ESRRG: variants seen among roughly 807,000 people sequenced by gnomAD.
ESRRG encodes estrogen related receptor gamma.
A neutral mutation model predicts 44.0 loss-of-function variants in ESRRG; 13 were observed. That is an observed-to-expected ratio of 0.30 (90% confidence interval 0.19 to 0.47). The LOEUF (loss-of-function observed/expected upper bound fraction) is 0.47. ESRRG is among the 20% of genes least tolerant of loss of function. The pLI, the probability that ESRRG is intolerant of heterozygous loss-of-function variation, is 1.00. For missense variants in ESRRG, 395 were observed against 580.6 expected (o/e 0.68, Z 3.29); for synonymous variants, 215 against 214.6 (o/e 1.00, Z -0.02).
At chr1:216,917,275 A>G (rs1417535665) in intron 2 of ESRRG, among the ~76,000 whole-genome samples, 1 of 150,996 alleles carries the variant, frequency 6.6e-6, no homozygotes, top group Non-Finnish European at 1.5e-5. Context: ...GACACAGTCT[A>G]GTGGTTAAAG....
Position 217,129,275 on chromosome 1 carries a change from G to A in ESRRG, c.-230+8392C>T, listed in dbSNP as rs114203532. 2.3e-3 allele frequency among the ~76,000 whole-genome samples: 346 copies of A among 152,188 alleles called. 2 individuals carry two copies. Among genetic ancestry groups the A allele is most frequent in the African/African-American group, 7.8e-3 (323 of 41,552 alleles). On this transcript the variant is annotated intron_variant, in intron 1 of 8. Coordinates refer to the ESRRG transcript ENST00000366940. ...ATTAGTTACTAGGAAAATACAAATC[G>A]AAACAACAGTGAATTACCACTTACA...
intron 3 of ESRRG, among the ~76,000 whole-genome samples, chr1:216,595,106 G>A (rs755657250): frequency 7.2e-5 from 11 of 152,206 alleles, no homozygotes; most frequent in Non-Finnish European, 1.5e-4. Context: ...AAAGAGGACA[G>A]GGACTTTCTT....
At chr1:216,638,465 C>T (rs574203254) in intron 3 of ESRRG, among the ~76,000 whole-genome samples, 1 of 152,260 alleles carries the variant, frequency 6.6e-6, no homozygotes, top group East Asian at 1.9e-4. Flanking sequence ...AGACTGACTT[C>T]CTTAGTTGCA....
intron 2 of ESRRG, among the ~76,000 whole-genome samples, chr1:216,746,401 G>T (rs1036607878): frequency 3.9e-5 from 6 of 152,052 alleles, no homozygotes; most frequent in Non-Finnish European, 8.8e-5. Context: ...CAGGCAAAAT[G>T]CCCTCATTGG....
intron 5 of ESRRG, among the ~76,000 whole-genome samples, chr1:216,539,449 T>A (rs190028707): frequency 6.6e-6 from 1 of 151,974 alleles, no homozygotes; most frequent in Non-Finnish European, 1.5e-5. Flanking sequence ...TCAGTTCCCC[T>A]TCCCCCCTAC....
intron 2 of ESRRG, among the ~76,000 whole-genome samples, chr1:216,811,813 A>C (rs1442193588): frequency 6.6e-6 from 1 of 152,198 alleles, no homozygotes; most frequent in African/African-American, 2.4e-5. Context: ...AGATAAGCTG[A>C]AAAAAGGGTT....
At position 216,900,721 on chromosome 1, in the gene ESRRG, C is replaced by T. The variant is rs370283291; in HGVS notation, c.-14+38861G>A. Among the ~76,000 whole-genome samples, 16 of 152,180 alleles carry T rather than the reference C, an allele frequency of 1.1e-4. No homozygotes were observed. In the East Asian group the frequency reaches 1.4e-3, roughly 13 times the overall value. On this transcript the variant is annotated intron_variant, in intron 2 of 7. Transcript: ENST00000359162. ...TAGATTATATAATAACATTTTAAACCGTGGCAGCTTGATCCCCTTTAGTTA... is the reference window on the plus strand; with the variant it reads ...TAGATTATATAATAACATTTTAAACTGTGGCAGCTTGATCCCCTTTAGTTA...
intron 1 of ESRRG, among the ~76,000 whole-genome samples, chr1:217,127,140 A>C (rs1277566143): frequency 6.6e-6 from 1 of 152,228 alleles, no homozygotes; most frequent in Non-Finnish European, 1.5e-5. Flanking sequence ...TTCTGATTTT[A>C]AACACTTAAT....
At chr1:216,759,303 C>T (rs2092638593) in intron 2 of ESRRG, among the ~76,000 whole-genome samples, 1 of 152,068 alleles carries the variant, frequency 6.6e-6, no homozygotes, top group Admixed American at 6.6e-5. Context: ...CAAATAACTA[C>T]CCAGTTTTGC....
chr1:216,600,197 T>A (rs1181234281), intron 3 of ESRRG, among the ~76,000 whole-genome samples: 1 of 152,132 alleles, frequency 6.6e-6, no homozygotes, highest in Non-Finnish European at 1.5e-5. Context: ...AAGGGAAGGG[T>A]GACTAGGCAG....
chr1:217,050,282 C>A (rs914474379), intron 1 of ESRRG, among the ~76,000 whole-genome samples: 3 of 152,058 alleles, frequency 2.0e-5, no homozygotes, highest in African/African-American at 4.8e-5. Flanking sequence ...TAAAATGAGA[C>A]GCAGTCCAAC....
chr1:216,996,411 A>G (rs2076385389), intron 1 of ESRRG, among the ~76,000 whole-genome samples: 1 of 152,080 alleles, frequency 6.6e-6, no homozygotes, highest in South Asian at 2.1e-4. Context: ...AGAGAAGAAG[A>G]TAGGTAACAG....
chr1:216,870,434 T>G (rs765831127), intron 2 of ESRRG, among the ~76,000 whole-genome samples: 1 of 151,990 alleles, frequency 6.6e-6, no homozygotes, highest in Non-Finnish European at 1.5e-5. Context: ...AATATTTCTT[T>G]GTATTTCTCT....
At chr1:216,934,512 G>A (rs1357649721) in intron 2 of ESRRG, among the ~76,000 whole-genome samples, 1 of 152,060 alleles carries the variant, frequency 6.6e-6, no homozygotes, top group African/African-American at 2.4e-5. Flanking sequence ...TATGGCTGGG[G>A]TGGCCTCACA....
intron 1 of ESRRG, among the ~76,000 whole-genome samples, chr1:216,990,007 A>C (rs564009304): frequency 1.3e-5 from 2 of 152,320 alleles, no homozygotes; most frequent in Non-Finnish European, 2.9e-5. Context: ...GACGGTTAAC[A>C]AGGTACATAA....
chr1:216,883,656 A>T (rs2149337715), intron 2 of ESRRG, among the ~76,000 whole-genome samples: 1 of 152,258 alleles, frequency 6.6e-6, no homozygotes, highest in African/African-American at 2.4e-5. Flanking sequence ...CTGCAGTATA[A>T]GGTTTCATCA....
intron 5 of ESRRG, among the ~76,000 whole-genome samples, chr1:216,529,735 G>C (rs937662646): frequency 6.6e-6 from 1 of 151,930 alleles, no homozygotes; most frequent in Admixed American, 6.6e-5. Flanking sequence ...TTTCCCACAC[G>C]TGAAGTTTAA....
chr1:216,931,024 A>G (rs1046298213), intron 2 of ESRRG, among the ~76,000 whole-genome samples: 1 of 152,184 alleles, frequency 6.6e-6, no homozygotes, highest in African/African-American at 2.4e-5. Flanking sequence ...TGATTTTTGT[A>G]AGGAAAGCTG....
intron 1 of ESRRG, among the ~76,000 whole-genome samples, chr1:217,049,392 A>G (rs574742372): frequency 2.6e-5 from 4 of 152,198 alleles, no homozygotes; most frequent in South Asian, 2.1e-4. Flanking sequence ...GCAAGAAATC[A>G]TTTGGTAATT....
Sources: gnomAD v4.1 joint callset for allele counts (sites outside exome capture counted in the v4.1 genomes callset) on GRCh38, gnomAD v4.1.1 for gene constraint, MANE v1.5 for transcripts, NCBI Gene and HGNC (gene_info 2026-07-23, HGNC 2026-07-21) for gene names.